Variants in ACSF3 observed in about 807,000 individuals in gnomAD.
ACSF3 encodes the protein acyl-CoA synthetase family member 3, also known as malonate--CoA ligase ACSF3, mitochondrial.
In ACSF3, 78 loss-of-function variants were observed where a neutral mutation model predicts 53.2. The observed-to-expected ratio is 1.47, with a 90% CI of 1.22 to 1.77. The LOEUF is 1.77. Ranked by LOEUF, ACSF3 falls within the 40% of genes most tolerant of loss-of-function variation. The pLI is 0.00. For missense variants in ACSF3, 937 were observed against 771.1 expected, an observed-to-expected ratio of 1.22 and a Z score of -2.55; for synonymous variants, 414 against 333.1, an observed-to-expected ratio of 1.24 and a Z score of -2.65.
chr16:89,142,220 G>T (rs912140643), intron 8 of ACSF3, among the ~76,000 whole-genome samples: 7 of 152,170 alleles, frequency 4.6e-5, no homozygotes, highest in Admixed American at 3.9e-4. Flanking sequence ...GGGGCCCAGG[G>T]AATGGACAAC....
At chr16:89,127,581 G>T (rs1339745674) in intron 7 of ACSF3, among the ~76,000 whole-genome samples, 1 of 152,084 alleles carries the variant, frequency 6.6e-6, no homozygotes, top group African/African-American at 2.4e-5. Context: ...TGCCCAGGCT[G>T]ATCTTGAACT....
At chr16:89,107,444 C>T (rs1245430590) in intron 4 of ACSF3, among the ~76,000 whole-genome samples, 6 of 152,208 alleles carry the variant, frequency 3.9e-5, no homozygotes, top group African/African-American at 2.4e-5. Flanking sequence ...GCTCTCCCCG[C>T]CTCGGCACCA....
chr16:89,145,523 G>T (rs1173963301), intron 9 of ACSF3, 122 bp downstream of exon 9: 1 of 1,238,494 alleles, frequency 8.1e-7, no homozygotes, highest in African/African-American at 1.5e-5. Context: ...TCCCTGTGAT[G>T]CTCACCTCTG....
At chr16:89,102,412 A>G in intron 3 of ACSF3, 192 bp from the exon 4 acceptor site, 1 of 668,574 alleles carries the variant, frequency 1.5e-6, no homozygotes, top group East Asian at 2.7e-5. Context: ...TAAGTGAGTG[A>G]CCCAGCAGAT....
In ACSF3 at chr16:89,101,683, G is replaced by A. The variant is rs569152016; in HGVS notation, c.666+336G>A. Among the ~76,000 whole-genome samples, 6 of 152,328 alleles carry A rather than the reference G, an allele frequency of 3.9e-5. No homozygotes were observed. The Middle Eastern group carries it at 0.01, about 259-fold the overall frequency. On this transcript the variant is annotated intron_variant, in intron 3 of 10. Coordinates refer to ENST00000614302, the MANE Select transcript of ACSF3 (RefSeq NM_001243279.3). ...GGAGGCCAGCCACGTGTTAGGATGC[G>A]TGGTCAGGACCCCACATACACCCGG... is the stretch of plus-strand genomic sequence containing the variant.
chr16:89,134,496 C>T (rs540287822), intron 8 of ACSF3, among the ~76,000 whole-genome samples: 71 of 152,232 alleles, frequency 4.7e-4, no homozygotes, highest in Admixed American at 7.2e-4. Flanking sequence ...GGGTCTGCAA[C>T]GGCGGCAAGC....
At chr16:89,124,493 G>GTATA (rs796955963) in intron 7 of ACSF3, among the ~76,000 whole-genome samples, 1 of 150,528 alleles carries the variant, frequency 6.6e-6, no homozygotes, top group Admixed American at 6.6e-5. Flanking sequence ...CACACTGAGT[G>GTATA]TGTGTTACCT....
chr16:89,121,738 A>G (rs1258408941), intron 7 of ACSF3, among the ~76,000 whole-genome samples: 1 of 152,134 alleles, frequency 6.6e-6, no homozygotes, highest in Non-Finnish European at 1.5e-5. Context: ...CACGGGCACA[A>G]CTGAGCTCCC....
chr16:89,099,643 A>G (rs1975039368), intron 2 of ACSF3, among the ~76,000 whole-genome samples: 1 of 152,036 alleles, frequency 6.6e-6, no homozygotes, highest in Non-Finnish European at 1.5e-5. Flanking sequence ...TTAGCCAGGC[A>G]TGGTGGTGCG....
rs1025329010 is a variant in ACSF3 at position 89,104,165 on chromosome 16, C to G, written c.822+1406C>G. Among the ~76,000 whole-genome samples the G allele has an allele frequency of 4.3e-4, 66 of 152,236 alleles. 1 individual carries two copies. The highest frequency in any genetic ancestry group is 1.5e-3 in the African/African-American group (64 of 41,464). ...GTCACAGGTGTGGTGAAGCAGAGCC[C>G]TCCGGTGAGGCCATGGACGTTTACC... On this transcript the variant is annotated intron_variant, in intron 4 of 10. Transcript: ENST00000614302.
chr16:89,113,306 G>A (rs1904379071), intron 5 of ACSF3: 1 of 152,302 alleles, frequency 6.6e-6, no homozygotes, highest in Non-Finnish European at 1.5e-5. Flanking sequence ...GCACAGGGAA[G>A]CGGCACCTTT....
chr16:89,105,716 TGG>T (rs1975894722), intron 4 of ACSF3, among the ~76,000 whole-genome samples: 1 of 152,124 alleles, frequency 6.6e-6, no homozygotes, highest in Non-Finnish European at 1.5e-5. Flanking sequence ...CATGGTCACT[TGG>T]GCAGAGGCAG....
chr16:89,130,151 C>T (rs1908982257), intron 7 of ACSF3, among the ~76,000 whole-genome samples: 1 of 152,200 alleles, frequency 6.6e-6, no homozygotes, highest in Non-Finnish European at 1.5e-5. Flanking sequence ...TCTTTTAGAT[C>T]AGATCTGCTT....
At chr16:89,148,813 A>G (rs985234589) in intron 10 of ACSF3, 1 of 152,144 alleles carries the variant, frequency 6.6e-6, no homozygotes, top group Non-Finnish European at 1.5e-5. Context: ...CCACAAAACC[A>G]TTCTTCCCTC....
In ACSF3 at chr16:89,098,645, G is replaced by T. The variant is rs1443243351; in HGVS notation, c.-139G>T. ...CCAGGCCTGGTGCCTGCCCCAGGAGGATGAGCATTTGCATTGCCTGCACCT... is the reference window on the plus strand; with the variant it reads ...CCAGGCCTGGTGCCTGCCCCAGGAGTATGAGCATTTGCATTGCCTGCACCT... On this transcript the variant is annotated 5_prime_UTR_variant, in exon 2 of 11. Transcript: ENST00000614302. 1 of 454,162 alleles carries T rather than the reference G, an allele frequency of 2.2e-6. No individual in the cohort carries two copies. Among genetic ancestry groups the T allele is most frequent in the African/African-American group, 2.0e-5 (1 of 50,140 alleles). The allele number at this position is 454,162 out of a possible 1,614,324, so 28.1% of individuals were successfully genotyped here.
chr16:89,135,440 G>A (rs767239310), intron 8 of ACSF3, among the ~76,000 whole-genome samples: 1 of 152,248 alleles, frequency 6.6e-6, no homozygotes, highest in Non-Finnish European at 1.5e-5. Flanking sequence ...AGCCCCTAGA[G>A]CAGAGGCCAG....
intron 10 of ACSF3, chr16:89,150,931 A>G: frequency 9.9e-6 from 12 of 1,213,338 alleles, no homozygotes; most frequent in Non-Finnish European, 1.3e-5. Context: ...GGATTAATCC[A>G]AATGTTCCAA....
chr16:89,128,186 G>C (rs76924932), intron 7 of ACSF3, among the ~76,000 whole-genome samples: 21,084 of 151,366 alleles, frequency 0.14, 1,584 homozygotes, highest in African/African-American at 0.21. Flanking sequence ...TACATTTAAT[G>C]ACGTACGTTG....
chr16:89,155,231 C>T lies in ACSF3; in HGVS notation c.*1024C>T, dbSNP rs1447126871. Reference sequence around the variant, plus strand: ...CCTCCCCACAGCCTGGGGGAAGTAACAGTCATCGCCCAGCAGTGTCTGGCC... The same window carrying T: ...CCTCCCCACAGCCTGGGGGAAGTAATAGTCATCGCCCAGCAGTGTCTGGCC... On this transcript the variant is annotated 3_prime_UTR_variant, in exon 11 of 11. Coordinates refer to ENST00000614302, the MANE Select transcript of ACSF3 (RefSeq NM_001243279.3). 2 of 453,334 alleles carry T rather than the reference C, an allele frequency of 4.4e-6. No homozygotes were observed. Among genetic ancestry groups the T allele is most frequent in the Non-Finnish European group, 8.8e-6 (2 of 226,800 alleles). The allele number at this position is 453,334 out of a possible 1,614,324, so 28.1% of individuals were successfully genotyped here.
Sources: allele counts gnomAD v4.1 joint callset (sites outside exome capture counted in the v4.1 genomes callset), GRCh38; gene constraint gnomAD v4.1.1; transcripts MANE v1.5; gene names NCBI Gene and HGNC (gene_info 2026-07-23, HGNC 2026-07-21).